LHFPL3: variants seen among roughly 807,000 people sequenced by gnomAD.
LHFPL3 encodes the protein LHFPL tetraspan subfamily member 3, also known as LHFPL tetraspan subfamily member 3 protein.
A neutral mutation model predicts 19.3 loss-of-function variants in LHFPL3; 5 were observed. The observed-to-expected ratio is 0.26, with a 90% CI of 0.14 to 0.54. LHFPL3 has a LOEUF of 0.54. LHFPL3 is among the 20% of genes least tolerant of loss of function. The probability of loss-of-function intolerance (pLI) is 0.94; values close to 1 mark genes in which losing one functional copy is unlikely to be tolerated. For missense variants in LHFPL3, 249 were observed against 307.4 expected (o/e 0.81, Z 1.42); for synonymous variants, 133 against 126.2 (o/e 1.05, Z -0.36).
intron 1 of LHFPL3, among the ~76,000 whole-genome samples, chr7:104,523,084 T>A (rs1050785170): frequency 9.1e-5 from 11 of 120,364 alleles, no homozygotes; most frequent in African/African-American, 2.7e-4. Context: ...CATATGCATG[T>A]TATATATACA....
intron 1 of LHFPL3, among the ~76,000 whole-genome samples, chr7:104,344,986 G>A (rs1389942686): frequency 6.6e-6 from 1 of 152,122 alleles, no homozygotes; most frequent in Non-Finnish European, 1.5e-5. Flanking sequence ...TGAATCAAAT[G>A]TCTGTTTTTG....
chr7:104,634,813 C>A (rs567491541), intron 1 of LHFPL3, among the ~76,000 whole-genome samples: 3 of 152,086 alleles, frequency 2.0e-5, no homozygotes, highest in Non-Finnish European at 4.4e-5. Flanking sequence ...CTTGCCTGTA[C>A]CCAGAGAACT....
At chr7:104,741,624 C>A (rs970550798) in intron 2 of LHFPL3, among the ~76,000 whole-genome samples, 1 of 151,808 alleles carries the variant, frequency 6.6e-6, no homozygotes, top group African/African-American at 2.4e-5. Flanking sequence ...TAGCCTTGAA[C>A]CCCTGGGTGC....
chr7:104,512,374 G>A (rs1304134039), intron 1 of LHFPL3, among the ~76,000 whole-genome samples: 3 of 152,044 alleles, frequency 2.0e-5, no homozygotes, highest in Non-Finnish European at 4.4e-5. Flanking sequence ...AAGCACTGGC[G>A]ATTCACACCA....
At chr7:104,484,599 G>A (rs1339493547) in intron 1 of LHFPL3, among the ~76,000 whole-genome samples, 2 of 152,206 alleles carry the variant, frequency 1.3e-5, no homozygotes, top group Non-Finnish European at 2.9e-5. Context: ...GAGCAGGAGG[G>A]TGTCTTGGTC....
chr7:104,351,271 C>A (rs1165323497), intron 1 of LHFPL3, among the ~76,000 whole-genome samples: 1 of 152,144 alleles, frequency 6.6e-6, no homozygotes, highest in Non-Finnish European at 1.5e-5. Context: ...ATTTAGGCTT[C>A]TTCACCTTGA....
chr7:104,592,738 G>T (rs1790752804), intron 1 of LHFPL3, among the ~76,000 whole-genome samples: 1 of 152,168 alleles, frequency 6.6e-6, no homozygotes, highest in Admixed American at 6.5e-5. Context: ...TCCTTGAGCT[G>T]CAGTGGACTT....
At chr7:104,906,122 C>A in intron 2 of LHFPL3, 65 bp from the exon 3 acceptor site, 1 of 1,477,240 alleles carries the variant, frequency 6.8e-7, no homozygotes, top group Non-Finnish European at 9.4e-7. Flanking sequence ...ATCTTGCAGA[C>A]AGAAAATGAT....
intron 2 of LHFPL3, among the ~76,000 whole-genome samples, chr7:104,769,845 T>A (rs889673115): frequency 1.2e-5 from 1 of 81,556 alleles, no homozygotes; most frequent in African/African-American, 5.5e-5. Flanking sequence ...TGGAATACTA[T>A]GCAGCCATAA....
intron 1 of LHFPL3, among the ~76,000 whole-genome samples, chr7:104,437,042 C>G (rs180730194): frequency 6.6e-6 from 1 of 152,050 alleles, no homozygotes; most frequent in Non-Finnish European, 1.5e-5. Context: ...AGATTAAGTG[C>G]GATTATATTT....
chr7:104,851,637 C>G (rs151020259), intron 2 of LHFPL3, among the ~76,000 whole-genome samples: 3 of 152,216 alleles, frequency 2.0e-5, no homozygotes, highest in Admixed American at 2.0e-4. Context: ...TCTGGGCCTA[C>G]TGGGAGCTCC....
At chr7:104,341,144 A>T (rs1198950777) in intron 1 of LHFPL3, among the ~76,000 whole-genome samples, 1 of 152,210 alleles carries the variant, frequency 6.6e-6, no homozygotes, top group Non-Finnish European at 1.5e-5. Flanking sequence ...TAACTATAAT[A>T]CATTGAAAAT....
rs562585357 is a variant in LHFPL3, at chr7:104,649,808, G to A, written c.446-86867G>A. On this transcript the variant is annotated intron_variant, in intron 1 of 2. Transcript: ENST00000424859. Reference sequence around the variant, plus strand: ...TTGGAACATGGGCTGTTCTGGAGAGGTCCACTTAAGATGCTGTCACAGCAT... The same window carrying A: ...TTGGAACATGGGCTGTTCTGGAGAGATCCACTTAAGATGCTGTCACAGCAT... Among the ~76,000 whole-genome samples, 39 of 152,242 alleles carry A rather than the reference G, an allele frequency of 2.6e-4. 1 individual carries two copies. Among genetic ancestry groups the A allele is most frequent in the Admixed American group, 1.6e-3 (25 of 15,300 alleles).
At chr7:104,748,631 G>A (rs886566943) in intron 2 of LHFPL3, among the ~76,000 whole-genome samples, 1 of 150,964 alleles carries the variant, frequency 6.6e-6, no homozygotes, top group Admixed American at 6.6e-5. Flanking sequence ...CTTTGTTCAC[G>A]TGTTTGTCTG....
intron 1 of LHFPL3, among the ~76,000 whole-genome samples, chr7:104,518,044 A>G (rs71558680): frequency 0.11 from 17,057 of 152,072 alleles, 1,210 homozygotes; most frequent in East Asian, 0.25. Context: ...AGTCAAATTG[A>G]TGCTGATCCC....
intron 1 of LHFPL3, among the ~76,000 whole-genome samples, chr7:104,335,856 G>A (rs1484234932): frequency 5.1e-4 from 69 of 134,670 alleles, no homozygotes; most frequent in East Asian, 6.2e-4. Context: ...GGAGTAAAAT[G>A]AAAAAAAAAA....
Position 104,544,596 on chromosome 7 carries a change from G to A in LHFPL3, c.446-192079G>A, listed in dbSNP as rs747473827. Among the ~76,000 whole-genome samples, 41 of 152,148 alleles carry A rather than the reference G, an allele frequency of 2.7e-4. 1 individual carries two copies. The highest frequency in any genetic ancestry group is 3.4e-4 in the Non-Finnish European group (23 of 68,028). The stretch of plus-strand genomic sequence containing the variant: ...ACTTTTCATTGAGCAGTGGTGGTGA[G>A]TGTAGCTCAGCATCAGCAAAGAGAT... On this transcript the variant is annotated intron_variant, in intron 1 of 2. Transcript: ENST00000424859.
At chr7:104,536,403 C>A (rs377064408) in intron 1 of LHFPL3, among the ~76,000 whole-genome samples, 1 of 152,134 alleles carries the variant, frequency 6.6e-6, no homozygotes, top group East Asian at 1.9e-4. Context: ...GCCCAGCCCA[C>A]GAGTATTTTG....
At chr7:104,479,962 T>C (rs1037224176) in intron 1 of LHFPL3, among the ~76,000 whole-genome samples, 1 of 152,254 alleles carries the variant, frequency 6.6e-6, no homozygotes, top group African/African-American at 2.4e-5. Context: ...ATAGGTTTTA[T>C]TATTTTCATG....
Sources: gnomAD v4.1 joint callset for allele counts (sites outside exome capture counted in the v4.1 genomes callset) on GRCh38, gnomAD v4.1.1 for gene constraint, MANE v1.5 for transcripts, NCBI Gene and HGNC (gene_info 2026-07-23, HGNC 2026-07-21) for gene names.